CHAT: variants seen among roughly 807,000 people sequenced by gnomAD.
CHAT encodes the protein choline O-acetyltransferase.
A neutral mutation model predicts 76.9 loss-of-function variants in CHAT; 61 were observed. The ratio of observed to expected loss-of-function variants is 0.79; its 90% CI spans 0.65 to 0.98. The LOEUF is 0.98. Among genes scored for constraint, CHAT ranks in the 50% least tolerant of loss-of-function variants. CHAT has a pLI of 0.00. For missense variants in CHAT, 946 were observed against 986.9 expected (o/e 0.96, Z 0.56); for synonymous variants, 407 against 397.4 (o/e 1.02, Z -0.29).
At chr10:49,611,780 G>T (rs913755733), upstream of CHAT, 2 of 1,602,912 alleles carry the variant, frequency 1.2e-6, no homozygotes, top group Non-Finnish European at 1.7e-6. Context: ...CTCACCGTGC[G>T]CCTGGCGGCG....
At chr10:49,647,512 T>C (rs1240952556) in intron 8 of CHAT, among the ~76,000 whole-genome samples, 1 of 152,200 alleles carries the variant, frequency 6.6e-6, no homozygotes, top group Non-Finnish European at 1.5e-5. Flanking sequence ...AGACAACACC[T>C]CGTTTTCCTT....
upstream of CHAT, chr10:49,612,413 T>A (rs1838327147): frequency 6.9e-7 from 1 of 1,454,394 alleles, no homozygotes; most frequent in East Asian, 2.3e-5. Flanking sequence ...ACTGGCCAGC[T>A]CTGGCTCAGG....
Position 49,652,758 on chromosome 10 carries a change from C to A in CHAT, c.1634+752C>A, listed in dbSNP as rs117202159. On this transcript the variant is annotated intron_variant, in intron 11 of 14. Transcript: ENST00000337653. ...TAGAAGTGCCCCCTGTGGACTGGCC[C>A]CACCTGAGGCCCTCCCACACCCCCA... 4.0e-3 allele frequency among the ~76,000 whole-genome samples: 605 copies of A among 152,182 alleles called. 19 individuals are homozygous for A. In the East Asian group the frequency reaches 0.057, roughly 14 times the overall value.
At chr10:49,617,777 G>T (rs1020839076) in intron 2 of CHAT, among the ~76,000 whole-genome samples, 1 of 152,158 alleles carries the variant, frequency 6.6e-6, no homozygotes, top group Admixed American at 6.5e-5. Flanking sequence ...AGATCAGCTG[G>T]GTTGGGGGCC....
At chr10:49,623,010 C>G (rs10082452) in intron 5 of CHAT, among the ~76,000 whole-genome samples, 11,948 of 152,218 alleles carry the variant, frequency 0.078, 1,554 homozygotes, top group African/African-American at 0.27. Flanking sequence ...AGCTCCCAGA[C>G]TGTCAGGGTG....
chr10:49,631,006 C>T (rs1839100509), intron 7 of CHAT, among the ~76,000 whole-genome samples: 1 of 152,154 alleles, frequency 6.6e-6, no homozygotes. Context: ...TATGAAGGTT[C>T]AAAGTGATAC....
At chr10:49,658,965 T>C (rs1306947452) in intron 13 of CHAT, among the ~76,000 whole-genome samples, 1 of 152,012 alleles carries the variant, frequency 6.6e-6, no homozygotes, top group Non-Finnish European at 1.5e-5. Context: ...AGATGAAATA[T>C]AAGAGAGAAA....
At position 49,622,135 on chromosome 10, in the gene CHAT, A is replaced by G. The variant is rs774436099; in HGVS notation, c.737A>G (p.Lys246Arg). ...CTCATCTCTGGTGTACTCAGCTACA[A>G]GGCCCTGCTGGACAGGTAGGACTGG... ...ASLISGVLSYKALLDSHSIPT... is the reference protein window; with the variant it reads ...ASLISGVLSYRALLDSHSIPT... The change falls in exon 5 of 15, where the codon AAG becomes AGG. Residue 246 changes from lysine to arginine, a missense_variant. Transcript: ENST00000337653. 7 of 1,613,412 alleles carry G rather than the reference A, an allele frequency of 4.3e-6. No individual in the cohort carries two copies. Among genetic ancestry groups the G allele is most frequent in the Middle Eastern group, 1.7e-4 (1 of 6,054 alleles).
At chr10:49,610,785 C>G, upstream of CHAT, 1 of 1,575,350 alleles carries the variant, frequency 6.3e-7, no homozygotes, top group Non-Finnish European at 8.6e-7. Context: ...CGGCGGCCAC[C>G]AAGCTGTCGG....
Position 49,628,828 on chromosome 10 carries a change from C to T in CHAT, c.1111+1043C>T, listed in dbSNP as rs537364251. On this transcript the variant is annotated intron_variant, in intron 7 of 14. Transcript: ENST00000337653. ...ACCCTGGGCAAAGCCCGAGGCCCAGCAGGGACACACCCACCTTACCCCCAG... is the reference window on the plus strand; with the variant it reads ...ACCCTGGGCAAAGCCCGAGGCCCAGTAGGGACACACCCACCTTACCCCCAG... Among the ~76,000 whole-genome samples, 5 of 152,408 alleles carry T rather than the reference C, an allele frequency of 3.3e-5. No individual in the cohort carries two copies. The South Asian group carries it at 1.0e-3, about 32-fold the overall frequency.
chr10:49,651,856 A>C (rs947837494), intron 10 of CHAT, 28 bp from the exon 11 acceptor site: 5 of 1,607,572 alleles, frequency 3.1e-6, no homozygotes, highest in Non-Finnish European at 4.2e-6. Flanking sequence ...TGCATGCAAT[A>C]AAAACATCTT....
At chr10:49,625,805 C>A in intron 6 of CHAT, 152 bp downstream of exon 6, 1 of 755,328 alleles carries the variant, frequency 1.3e-6, no homozygotes, top group Non-Finnish European at 2.3e-6. Flanking sequence ...CCCCTACTTC[C>A]AGTCAGTCCC....
intron 14 of CHAT, among the ~76,000 whole-genome samples, chr10:49,663,825 A>G (rs1840272541): frequency 6.6e-6 from 1 of 152,254 alleles, no homozygotes; most frequent in South Asian, 2.1e-4. Context: ...ACACAGCACC[A>G]TAAATTTCTC....
intron 2 of CHAT, 71 bp from the exon 3 acceptor site, chr10:49,619,654 A>G (rs1838624296): frequency 1.4e-6 from 2 of 1,465,708 alleles, no homozygotes; most frequent in Admixed American, 3.5e-5. Context: ...TACAGATACT[A>G]GGGACCAACT....
chr10:49,614,561 G>C (rs1475960368), intron 1 of CHAT, 86 bp downstream of exon 1: 11 of 1,191,594 alleles, frequency 9.2e-6, no homozygotes, highest in Non-Finnish European at 1.3e-5. Context: ...GGACAGCACC[G>C]GGGCCGAGAG....
Position 49,665,165 on chromosome 10 carries a change from A to G in CHAT, c.*119A>G. ...GCTCCCTGTCCTCAGGGTCCAACTC[A>G]CAGACCATACAGAGACATCACACAG... On this transcript the variant is annotated 3_prime_UTR_variant, in exon 15 of 15. Coordinates refer to ENST00000337653, the MANE Select transcript of CHAT (RefSeq NM_020549.5). 9.6e-7 allele frequency: 1 copy of G among 1,042,908 alleles called. No individual in the cohort carries two copies. Among genetic ancestry groups the G allele is most frequent in the African/African-American group, 1.6e-5 (1 of 64,030 alleles). The allele number at this position is 1,042,908 out of a possible 1,614,324, so 64.6% of individuals were successfully genotyped here. A position where few individuals can be genotyped will look rare whatever the true frequency, so the allele number is the denominator to read the frequency against.
At chr10:49,642,969 G>A (rs1235911554) in intron 7 of CHAT, among the ~76,000 whole-genome samples, 1 of 152,190 alleles carries the variant, frequency 6.6e-6, no homozygotes, top group Non-Finnish European at 1.5e-5. Flanking sequence ...ACTGAGCTGG[G>A]CATTCATAGC....
At position 49,649,574 on chromosome 10, in the gene CHAT, G is replaced by T; in HGVS notation, c.1449G>T (p.Leu483=). 1 of 1,613,926 alleles carries T rather than the reference G, an allele frequency of 6.2e-7. No individual in the cohort carries two copies. Among genetic ancestry groups the T allele is most frequent in the Non-Finnish European group, 8.5e-7 (1 of 1,180,052 alleles). The change falls in exon 10 of 15, where the codon CTG becomes CTT. Residue 483 remains leucine, a synonymous_variant. Transcript: ENST00000337653. ...SVSELPAPRR[L]RWKCSPEIQG... The stretch of plus-strand genomic sequence containing the variant: ...GCGAGCTCCCCGCCCCCCGGAGGCT[G>T]CGGTGGAAATGCTCCCCGGAAATTC...
chr10:49,645,656 C>A (rs559535171), intron 7 of CHAT, among the ~76,000 whole-genome samples: 1 of 152,154 alleles, frequency 6.6e-6, no homozygotes, highest in Non-Finnish European at 1.5e-5. Context: ...CTGGGAGGAA[C>A]GCATGTGTCC....
Sources: allele counts gnomAD v4.1 joint callset (sites outside exome capture counted in the v4.1 genomes callset), GRCh38; gene constraint gnomAD v4.1.1; transcripts MANE v1.5; gene names NCBI Gene and HGNC (gene_info 2026-07-23, HGNC 2026-07-21).